NKAIN2: variants seen among roughly 807,000 people sequenced by gnomAD.
NKAIN2 encodes the protein sodium/potassium transporting ATPase interacting 2, also known as sodium/potassium-transporting ATPase subunit beta-1-interacting protein 2.
Under a neutral mutation model 32.6 loss-of-function variants are expected in NKAIN2, and 14 were observed. The observed-to-expected ratio is 0.43, with a 90% CI of 0.28 to 0.67. The LOEUF (loss-of-function observed/expected upper bound fraction) is 0.67. Ranked by LOEUF, NKAIN2 falls within the 30% of genes least tolerant of loss-of-function variation. NKAIN2 has a pLI of 0.17. For synonymous variants in NKAIN2, 80 were observed against 87.2 expected, an observed-to-expected ratio of 0.92 and a Z score of 0.46; for missense variants, 198 against 258.3, an observed-to-expected ratio of 0.77 and a Z score of 1.60.
At chr6:124,116,650 T>G (rs1342834886) in intron 1 of NKAIN2, among the ~76,000 whole-genome samples, 1 of 152,056 alleles carries the variant, frequency 6.6e-6, no homozygotes, top group Non-Finnish European at 1.5e-5. Flanking sequence ...TAACCTTAAG[T>G]AAATTTAGTG....
chr6:124,430,669 C>CA (rs34585136), intron 3 of NKAIN2, among the ~76,000 whole-genome samples: 1,558 of 146,048 alleles, frequency 0.011, 9 homozygotes, highest in Middle Eastern at 0.039. Context: ...ATGTATATTT[C>CA]AAAAAAAAAA....
chr6:124,778,512 TA>T (rs1554263623), intron 4 of NKAIN2, among the ~76,000 whole-genome samples: 1 of 151,878 alleles, frequency 6.6e-6, no homozygotes, highest in South Asian at 2.1e-4. Flanking sequence ...AAGTGTATAA[TA>T]AAAAAATTTT....
At chr6:124,128,953 G>A (rs1393743217) in intron 1 of NKAIN2, among the ~76,000 whole-genome samples, 1 of 152,164 alleles carries the variant, frequency 6.6e-6, no homozygotes, top group African/African-American at 2.4e-5. Context: ...ATGGAATACA[G>A]CGTGGTTGTT....
In NKAIN2 at chr6:124,768,337, C is replaced by T. The variant is rs944060321; in HGVS notation, c.475-23002C>T. The stretch of plus-strand genomic sequence containing the variant: ...AAGGAAAGCATGTACAAGCTCCCCA[C>T]TTCTGTCAATGTGGAAATATAATGA... On this transcript the variant is annotated intron_variant, in intron 4 of 6. Transcript: ENST00000368417. 5.3e-5 allele frequency among the ~76,000 whole-genome samples: 8 copies of T among 152,320 alleles called. No individual in the cohort carries two copies. The East Asian group carries it at 1.5e-3, about 29-fold the overall frequency.
intron 1 of NKAIN2, among the ~76,000 whole-genome samples, chr6:124,154,077 G>A (rs1056892119): frequency 1.3e-5 from 2 of 150,584 alleles, no homozygotes; most frequent in African/African-American, 2.4e-5. Flanking sequence ...TTTTTTTCTT[G>A]TACTCTGGTG....
intron 3 of NKAIN2, among the ~76,000 whole-genome samples, chr6:124,524,965 A>G (rs1157270713): frequency 6.6e-6 from 1 of 152,210 alleles, no homozygotes; most frequent in Non-Finnish European, 1.5e-5. Context: ...CCGTACAGCC[A>G]GGGAAGATTC....
At chr6:124,379,647 C>G (rs1034268854) in intron 3 of NKAIN2, among the ~76,000 whole-genome samples, 4 of 152,114 alleles carry the variant, frequency 2.6e-5, no homozygotes, top group African/African-American at 9.7e-5. Context: ...AGAGCCAGTA[C>G]TGTATTTGAT....
chr6:123,832,212 G>T (rs1183056491), intron 1 of NKAIN2, among the ~76,000 whole-genome samples: 1 of 152,146 alleles, frequency 6.6e-6, no homozygotes, highest in East Asian at 1.9e-4. Flanking sequence ...ATATCATATA[G>T]TTGGAATCAT....
At chr6:124,219,285 T>C (rs867332987) in intron 1 of NKAIN2, among the ~76,000 whole-genome samples, 87 of 7,422 alleles carry the variant, frequency 0.012, no homozygotes, top group African/African-American at 0.029. Context: ...CTTTTTTTCT[T>C]TTTTTTTTTT....
chr6:124,220,535 A>ATG, intron 1 of NKAIN2, among the ~76,000 whole-genome samples: 1 of 80,068 alleles, frequency 1.2e-5, no homozygotes, highest in South Asian at 5.8e-4. Context: ...AAACATACAT[A>ATG]TGTATATATA....
At chr6:124,043,942 A>G (rs1035273678) in intron 1 of NKAIN2, among the ~76,000 whole-genome samples, 1 of 152,070 alleles carries the variant, frequency 6.6e-6, no homozygotes, top group African/African-American at 2.4e-5. Context: ...GTGTATTGCA[A>G]AAGGTAGGAA....
chr6:124,359,038 C>G (rs1437973065), intron 3 of NKAIN2, among the ~76,000 whole-genome samples: 2 of 151,894 alleles, frequency 1.3e-5, no homozygotes, highest in Admixed American at 6.6e-5. Context: ...GAATCCTTTC[C>G]CCATTTCTTG....
At chr6:124,087,444 G>GA (rs998418146) in intron 1 of NKAIN2, among the ~76,000 whole-genome samples, 12 of 151,318 alleles carry the variant, frequency 7.9e-5, no homozygotes, top group Middle Eastern at 6.8e-3. Context: ...GAAGAAAAGG[G>GA]AAAAAAAATG....
rs113708285 is a variant in NKAIN2, at chr6:123,900,399, G to C, written c.54+96145G>C. On this transcript the variant is annotated intron_variant, in intron 1 of 6. Coordinates refer to ENST00000368417, the MANE Select transcript of NKAIN2 (RefSeq NM_001040214.3). ...GAGGTCGGACAATCGCTTGAACCCG[G>C]GAGGCGGAGGTTGCAGTGAGCCAAG... 8.1e-4 allele frequency among the ~76,000 whole-genome samples: 123 copies of C among 151,952 alleles called. 1 individual carries two copies. Among genetic ancestry groups the C allele is most frequent in the Middle Eastern group, 3.4e-3 (1 of 294 alleles).
At chr6:124,122,265 A>C (rs181916113) in intron 1 of NKAIN2, among the ~76,000 whole-genome samples, 1 of 152,144 alleles carries the variant, frequency 6.6e-6, no homozygotes, top group East Asian at 1.9e-4. Flanking sequence ...CACGTAGTAT[A>C]TATATATTTT....
chr6:124,030,194 G>A (rs1054256830), intron 1 of NKAIN2, among the ~76,000 whole-genome samples: 3 of 152,136 alleles, frequency 2.0e-5, no homozygotes, highest in Non-Finnish European at 4.4e-5. Context: ...ATTATGGTGA[G>A]TTATAATTTT....
intron 3 of NKAIN2, among the ~76,000 whole-genome samples, chr6:124,555,249 C>T (rs1308496874): frequency 6.6e-6 from 1 of 152,162 alleles, no homozygotes; most frequent in Non-Finnish European, 1.5e-5. Context: ...AAGCAGAGAA[C>T]ATGGCAAAAG....
At chr6:124,171,347 G>A (rs1356344059) in intron 1 of NKAIN2, among the ~76,000 whole-genome samples, 1 of 151,914 alleles carries the variant, frequency 6.6e-6, no homozygotes, top group African/African-American at 2.4e-5. Context: ...TTTGACCATG[G>A]TAATTTGAAG....
chr6:123,927,545 A>G (rs1168472792), intron 1 of NKAIN2, among the ~76,000 whole-genome samples: 1 of 152,204 alleles, frequency 6.6e-6, no homozygotes, highest in African/African-American at 2.4e-5. Flanking sequence ...CGATGCCTCC[A>G]ATTCTAGCTT....
Sources: allele counts gnomAD v4.1 joint callset (sites outside exome capture counted in the v4.1 genomes callset), GRCh38; gene constraint gnomAD v4.1.1; transcripts MANE v1.5; gene names NCBI Gene and HGNC (gene_info 2026-07-23, HGNC 2026-07-21).